Variants in GRID2 observed in about 807,000 individuals in gnomAD.
GRID2 encodes glutamate receptor ionotropic, delta-2.
Under a neutral mutation model 114.8 loss-of-function variants are expected in GRID2, and 33 were observed. The observed-to-expected ratio is 0.29, with a 90% CI of 0.22 to 0.38. The LOEUF is 0.38. Ranked by LOEUF, GRID2 falls within the 10% of genes least tolerant of loss-of-function variation. GRID2 has a pLI of 1.00. For missense variants in GRID2, 1,184 were observed against 1,257.7 expected (o/e 0.94, Z 0.89); for synonymous variants, 505 against 449.9 (o/e 1.12, Z -1.55).
intron 14 of GRID2, among the ~76,000 whole-genome samples, chr4:93,677,512 C>T (rs1051907918): frequency 1.3e-5 from 2 of 152,188 alleles, no homozygotes; most frequent in African/African-American, 4.8e-5. Context: ...CCCGAGCAGC[C>T]TAACTGGGAG....
chr4:93,313,975 A>G (rs903286866), intron 8 of GRID2, among the ~76,000 whole-genome samples: 3 of 152,168 alleles, frequency 2.0e-5, no homozygotes, highest in Non-Finnish European at 2.9e-5. Flanking sequence ...CCACTAGGCT[A>G]TCACACAGTA....
intron 2 of GRID2, among the ~76,000 whole-genome samples, chr4:92,781,584 C>T (rs1739079056): frequency 6.6e-6 from 1 of 151,902 alleles, no homozygotes; most frequent in Non-Finnish European, 1.5e-5. Context: ...TTTTTAAATG[C>T]CAAATTAGTT....
intron 4 of GRID2, among the ~76,000 whole-genome samples, chr4:93,202,864 CT>C (rs1312185490): frequency 6.6e-6 from 1 of 152,148 alleles, no homozygotes; most frequent in East Asian, 1.9e-4. Flanking sequence ...CCTTTATTTC[CT>C]TTAATTCTAC....
intron 14 of GRID2, among the ~76,000 whole-genome samples, chr4:93,745,264 A>G (rs1425317670): frequency 6.6e-6 from 1 of 152,160 alleles, no homozygotes; most frequent in Non-Finnish European, 1.5e-5. Flanking sequence ...TTAATTGCTG[A>G]CCTTGTAAAC....
chr4:93,001,834 T>A (rs964833737), intron 2 of GRID2, among the ~76,000 whole-genome samples: 1 of 151,734 alleles, frequency 6.6e-6, no homozygotes, highest in African/African-American at 2.4e-5. Context: ...AAATTTTCAA[T>A]TTTCCATGCT....
At chr4:92,821,691 T>A (rs1741294809) in intron 2 of GRID2, among the ~76,000 whole-genome samples, 1 of 152,118 alleles carries the variant, frequency 6.6e-6, no homozygotes, top group Admixed American at 6.6e-5. Flanking sequence ...GCCCACCCCC[T>A]CAATAAGGCA....
At chr4:93,672,505 C>T (rs764738459) in intron 14 of GRID2, among the ~76,000 whole-genome samples, 20 of 152,308 alleles carry the variant, frequency 1.3e-4, no homozygotes, top group South Asian at 2.1e-4. Context: ...TATTTAGAAA[C>T]GTGGCATGCC....
At chr4:92,487,426 A>C (rs1440647428) in intron 1 of GRID2, among the ~76,000 whole-genome samples, 1 of 151,984 alleles carries the variant, frequency 6.6e-6, no homozygotes, top group Admixed American at 6.6e-5. Context: ...TACTACTACT[A>C]GAACAGGCCT....
chr4:93,343,483 C>T (rs1156755297), intron 8 of GRID2, among the ~76,000 whole-genome samples: 5 of 151,754 alleles, frequency 3.3e-5, no homozygotes, highest in African/African-American at 7.3e-5. Context: ...CCAAGATGTT[C>T]AAAAAAGATA....
intron 1 of GRID2, among the ~76,000 whole-genome samples, chr4:92,377,659 T>G (rs113862247): frequency 5.3e-5 from 8 of 152,116 alleles, no homozygotes; most frequent in African/African-American, 1.9e-4. Flanking sequence ...TTTAATGGAC[T>G]CATAGTTCCA....
intron 2 of GRID2, among the ~76,000 whole-genome samples, chr4:92,961,568 C>G (rs114662533): frequency 1.3e-5 from 2 of 150,622 alleles, no homozygotes; most frequent in African/African-American, 2.4e-5. Context: ...TGCTTTTTTT[C>G]TTTCTCTCTA....
intron 8 of GRID2, among the ~76,000 whole-genome samples, chr4:93,326,494 GC>G (rs1454655657): frequency 6.6e-6 from 1 of 152,016 alleles, no homozygotes; most frequent in African/African-American, 2.4e-5. Flanking sequence ...TAAAAATTGA[GC>G]TTTTAGATTC....
At chr4:93,665,667 T>G (rs1366468232) in intron 14 of GRID2, among the ~76,000 whole-genome samples, 1 of 152,172 alleles carries the variant, frequency 6.6e-6, no homozygotes, top group Non-Finnish European at 1.5e-5. Context: ...TAAGTTGACA[T>G]TCATTAAGTT....
chr4:92,985,090 TG>T (rs1254903422), intron 2 of GRID2, among the ~76,000 whole-genome samples: 1 of 152,132 alleles, frequency 6.6e-6, no homozygotes, highest in Non-Finnish European at 1.5e-5. Flanking sequence ...CCTGATACCT[TG>T]TTTCTCCTCA....
chr4:93,523,134 A>G (rs1433661623), intron 13 of GRID2, among the ~76,000 whole-genome samples: 2 of 152,150 alleles, frequency 1.3e-5, no homozygotes, highest in Admixed American at 1.3e-4. Context: ...CAAAGAGGAT[A>G]CCAACACTGG....
chr4:93,786,530 CA>C (rs1425560507), intron 1 of GRID2, among the ~76,000 whole-genome samples: 2 of 152,156 alleles, frequency 1.3e-5, no homozygotes, highest in African/African-American at 2.4e-5. Context: ...AGAAGAGAGA[CA>C]TTTTTTTTGT....
chr4:93,461,063 T>G (rs1723697846), intron 11 of GRID2, among the ~76,000 whole-genome samples: 1 of 152,194 alleles, frequency 6.6e-6, no homozygotes, highest in South Asian at 2.1e-4. Flanking sequence ...CATGCTTTTC[T>G]AGTTCTATAA....
chr4:93,465,507 G>C (rs563522880), intron 11 of GRID2, among the ~76,000 whole-genome samples: 5 of 152,058 alleles, frequency 3.3e-5, no homozygotes, highest in Non-Finnish European at 7.4e-5. Context: ...TTAACCTCTA[G>C]GTGACTCAGT....
At chr4:93,384,897 A>G (rs1476780518) in intron 8 of GRID2, among the ~76,000 whole-genome samples, 2 of 152,168 alleles carry the variant, frequency 1.3e-5, no homozygotes, top group Non-Finnish European at 2.9e-5. Flanking sequence ...AGGATTAACA[A>G]AAGAGTAATT....
Sources: gnomAD v4.1 joint callset for allele counts (sites outside exome capture counted in the v4.1 genomes callset) on GRCh38, gnomAD v4.1.1 for gene constraint, MANE v1.5 for transcripts, NCBI Gene and HGNC (gene_info 2026-07-23, HGNC 2026-07-21) for gene names.